The following POLB variants were observed in gnomAD, a reference collection of about 807,000 sequenced individuals.
POLB encodes the protein 5'-dRP lyase.
Under a neutral mutation model 52.7 loss-of-function variants are expected in POLB, and 37 were observed. That is an observed-to-expected ratio of 0.70 (90% CI 0.54 to 0.92). The LOEUF is 0.92. POLB is among the 40% of genes least tolerant of loss of function. POLB has a pLI of 0.00. For missense variants in POLB, 313 were observed against 400.8 expected, an observed-to-expected ratio of 0.78 and a Z score of 1.87; for synonymous variants, 138 against 131.3, an observed-to-expected ratio of 1.05 and a Z score of -0.35.
intron 2 of POLB, among the ~76,000 whole-genome samples, chr8:42,343,190 C>T (rs551344590): frequency 2.0e-5 from 3 of 151,012 alleles, no homozygotes; most frequent in African/African-American, 4.9e-5. Context: ...GGCGTGGTGG[C>T]GGGTGCCTGT....
intron 9 of POLB, among the ~76,000 whole-genome samples, chr8:42,359,830 C>T (rs923728178): frequency 2.9e-4 from 44 of 151,494 alleles, no homozygotes; most frequent in African/African-American, 9.4e-4. Context: ...TGTTGGTAGG[C>T]GGACAGTGAA....
chr8:42,345,057 G>GC, intron 3 of POLB, 38 bp downstream of exon 3: 5 of 1,457,662 alleles, frequency 3.4e-6, no homozygotes, highest in African/African-American at 1.4e-5. Context: ...GAGTTCACAC[G>GC]TGTCCAAATT....
At chr8:42,343,118 C>T (rs1021593289) in intron 2 of POLB, among the ~76,000 whole-genome samples, 40 of 151,582 alleles carry the variant, frequency 2.6e-4, no homozygotes, top group Admixed American at 7.9e-4. Context: ...GTCAGGAGAT[C>T]GAGACCATCC....
At chr8:42,340,405 CGT>C (rs1362688698) in intron 2 of POLB, among the ~76,000 whole-genome samples, 2 of 152,076 alleles carry the variant, frequency 1.3e-5, no homozygotes, top group African/African-American at 4.8e-5. Flanking sequence ...AGGGTATGTG[CGT>C]AAGGTGTGTG....
intron 11 of POLB, among the ~76,000 whole-genome samples, chr8:42,365,463 A>G (rs1235477447): frequency 2.0e-5 from 3 of 152,222 alleles, no homozygotes; most frequent in African/African-American, 7.2e-5. Context: ...ATGAATGTGC[A>G]TGAATCTTAC....
At chr8:42,354,570 A>T (rs1016832101) in intron 6 of POLB, 26 of 728,526 alleles carry the variant, frequency 3.6e-5, no homozygotes, top group Non-Finnish European at 5.4e-5. Flanking sequence ...GTTTTGAGAC[A>T]CAGTCTTGCT....
intron 11 of POLB, among the ~76,000 whole-genome samples, chr8:42,366,897 C>T (rs1223761780): frequency 6.6e-6 from 1 of 152,104 alleles, no homozygotes; most frequent in Non-Finnish European, 1.5e-5. Flanking sequence ...TAAGAATTTG[C>T]ACAACTTCAA....
chr8:42,347,199 C>A (rs1274870238), intron 3 of POLB, among the ~76,000 whole-genome samples: 6 of 151,778 alleles, frequency 4.0e-5, no homozygotes, highest in Non-Finnish European at 8.8e-5. Flanking sequence ...CATCATTATT[C>A]CTTTTCACAA....
chr8:42,339,620 C>T (rs1348832306), intron 2 of POLB: 1 of 152,240 alleles, frequency 6.6e-6, no homozygotes, highest in Non-Finnish European at 1.5e-5. Flanking sequence ...GATCATGGCT[C>T]ATTGCAGCTT....
intron 11 of POLB, among the ~76,000 whole-genome samples, chr8:42,368,429 T>G (rs1490807692): frequency 6.6e-6 from 1 of 152,246 alleles, no homozygotes; most frequent in African/African-American, 2.4e-5. Flanking sequence ...TAGTGGCATG[T>G]GTTAACTTGA....
At position 42,369,885 on chromosome 8, in the gene POLB, C is replaced by G. The variant is rs1323328222; in HGVS notation, c.810C>G (p.Leu270=). The part of the protein sequence containing the change: ...IPKDQYYCGV[L]YFTGSDIFNK... ...AAGATCAGTATTACTGTGGTGTTCT[C>G]TATTTCACTGGGAGTGATATTTTCA... is the stretch of plus-strand genomic sequence containing the variant. Residue 270 remains leucine, a synonymous_variant, in exon 13 of 14, where the codon CTC becomes CTG. Coordinates refer to ENST00000265421, the MANE Select transcript of POLB (RefSeq NM_002690.3). 2 of 1,605,802 alleles carry G rather than the reference C, an allele frequency of 1.2e-6. No homozygotes were observed. The highest frequency in any genetic ancestry group is 1.7e-4 in the Middle Eastern group (1 of 6,022).
chr8:42,371,508 ATAAC>A, intron 13 of POLB, 51 bp from the exon 14 acceptor site: 4 of 1,012,964 alleles, frequency 3.9e-6, no homozygotes, highest in Non-Finnish European at 6.1e-6. Context: ...TGAACCCTCT[ATAAC>A]TAAACTATAA....
At chr8:42,369,580 C>T in intron 12 of POLB, 1 of 519,982 alleles carries the variant, frequency 1.9e-6, no homozygotes, top group Non-Finnish European at 3.4e-6. Flanking sequence ...GCTCAAAAGT[C>T]ATTTCCTGCC....
chr8:42,343,345 A>AAAT (rs1554531633), intron 2 of POLB, among the ~76,000 whole-genome samples: 10 of 33,062 alleles, frequency 3.0e-4, no homozygotes, highest in African/African-American at 5.9e-4. Flanking sequence ...AAAAAAAAAA[A>AAAT]ATATATATAT....
chr8:42,359,521 A>ATTT (rs900964546), intron 9 of POLB, among the ~76,000 whole-genome samples: 3 of 110,528 alleles, frequency 2.7e-5, no homozygotes, highest in Admixed American at 9.0e-5. Flanking sequence ...CACCCGGCTA[A>ATTT]TTTTTTTTTT....
intron 5 of POLB, among the ~76,000 whole-genome samples, chr8:42,351,980 G>A (rs966380840): frequency 7.2e-5 from 11 of 152,208 alleles, no homozygotes; most frequent in Non-Finnish European, 1.3e-4. Flanking sequence ...TTCCCGAAAC[G>A]TTTTTCTCTT....
intron 6 of POLB, among the ~76,000 whole-genome samples, chr8:42,353,768 T>C (rs941287259): frequency 2.0e-5 from 3 of 152,202 alleles, no homozygotes; most frequent in Non-Finnish European, 4.4e-5. Context: ...TCCACTACTT[T>C]ATTAGAGTGG....
At chr8:42,343,347 T>A (rs374260401) in intron 2 of POLB, among the ~76,000 whole-genome samples, 3,029 of 13,332 alleles carry the variant, frequency 0.23, 282 homozygotes, top group African/African-American at 0.28. Flanking sequence ...AAAAAAAAAA[T>A]ATATATATAT....
At chr8:42,339,359 G>A (rs1822049694) in intron 2 of POLB, 1 of 423,172 alleles carries the variant, frequency 2.4e-6, no homozygotes, top group African/African-American at 2.0e-5. Context: ...CGTAATGAAA[G>A]ACAGCGGATG....
Sources: gnomAD v4.1 joint callset for allele counts (sites outside exome capture counted in the v4.1 genomes callset) on GRCh38, gnomAD v4.1.1 for gene constraint, MANE v1.5 for transcripts, NCBI Gene and HGNC (gene_info 2026-07-23, HGNC 2026-07-21) for gene names.